Variants in ADGRA1 observed in about 807,000 individuals in gnomAD.
ADGRA1 encodes the protein adhesion G protein-coupled receptor A1.
In ADGRA1, 12 loss-of-function variants were observed where a neutral mutation model predicts 21.3. That is an observed-to-expected ratio of 0.56 (90% CI 0.36 to 0.91). The LOEUF (loss-of-function observed/expected upper bound fraction) is 0.91, where lower values mean the gene tolerates loss of function less well. Among genes scored for constraint, ADGRA1 ranks in the 40% least tolerant of loss-of-function variants. The probability of loss-of-function intolerance (pLI) is 0.01; values close to 1 mark genes in which losing one functional copy is unlikely to be tolerated. For missense variants in ADGRA1, 790 were observed against 805.6 expected (o/e 0.98, Z 0.23); for synonymous variants, 385 against 368.8 (o/e 1.04, Z -0.50).
intron 5 of ADGRA1, 95 bp downstream of exon 5, chr10:133,102,937 A>G (rs1312048696): frequency 7.6e-7 from 1 of 1,316,018 alleles, no homozygotes; most frequent in African/African-American, 1.5e-5. Context: ...CCAGGCCACC[A>G]GGGGCCTGAG....
chr10:133,103,653 T>A (rs1403467975), intron 5 of ADGRA1, among the ~76,000 whole-genome samples: 2 of 152,134 alleles, frequency 1.3e-5, no homozygotes, highest in Non-Finnish European at 2.9e-5. Flanking sequence ...AACCCAGACG[T>A]CCACGTCTGG....
chr10:133,127,885 C>A (rs1242040866), intron 6 of ADGRA1, among the ~76,000 whole-genome samples: 4 of 127,352 alleles, frequency 3.1e-5, no homozygotes, highest in African/African-American at 6.1e-5. Context: ...CCGCCTGGCC[C>A]CGCCCACCCC....
rs1852420443 is a variant in ADGRA1, at chr10:133,128,246, G to A, written c.501-83G>A. ...CAAAGCCACTCGCTAGGCCGGGTGG[G>A]TGCAGGGCCCTTTGCTCTGCAGGGG... On this transcript the variant is annotated intron_variant, in intron 6 of 6. Coordinates refer to ENST00000392607, the MANE Select transcript of ADGRA1 (RefSeq NM_001083909.3). 9 of 1,074,406 alleles carry A rather than the reference G, an allele frequency of 8.4e-6. No individual in the cohort carries two copies. The South Asian group carries it at 1.2e-4, about 14-fold the overall frequency. The allele number at this position is 1,074,406 out of a possible 1,614,324, so 66.6% of individuals were successfully genotyped here.
intron 5 of ADGRA1, among the ~76,000 whole-genome samples, chr10:133,124,873 C>T (rs1309816476): frequency 6.6e-6 from 1 of 152,228 alleles, no homozygotes; most frequent in Non-Finnish European, 1.5e-5. Context: ...TGCACGTCCA[C>T]GGCGGTGACT....
intron 5 of ADGRA1, among the ~76,000 whole-genome samples, chr10:133,120,099 C>T (rs1852227851): frequency 6.6e-6 from 1 of 152,236 alleles, no homozygotes; most frequent in Admixed American, 6.5e-5. Flanking sequence ...AGGCTTTCAT[C>T]TGCATTGCAA....
chr10:133,111,847 ACGGGCACCTCCCTCCTAATCCCTC>A (rs1852021093), intron 5 of ADGRA1, among the ~76,000 whole-genome samples: 23 of 149,656 alleles, frequency 1.5e-4, no homozygotes, highest in African/African-American at 2.7e-4. Flanking sequence ...CCTGCCCACC[ACGGGCACCTCCCTCCTAATCCCTC>A]CAGACCACCT....
At chr10:133,095,907 C>T in intron 2 of ADGRA1, 1 of 1,229,116 alleles carries the variant, frequency 8.1e-7, no homozygotes, top group Non-Finnish European at 1.1e-6. Context: ...CCCAGGGCAG[C>T]ATCCATGGCG....
intron 5 of ADGRA1, among the ~76,000 whole-genome samples, chr10:133,113,036 G>A (rs1375439891): frequency 2.8e-5 from 4 of 142,602 alleles, no homozygotes; most frequent in African/African-American, 1.0e-4. Flanking sequence ...GGCCGCGTCA[G>A]TTATTTGGGG....
At chr10:133,121,059 G>A (rs75636281) in intron 5 of ADGRA1, among the ~76,000 whole-genome samples, 2,939 of 152,278 alleles carry the variant, frequency 0.019, 40 homozygotes, top group Non-Finnish European at 0.027. Flanking sequence ...CAGATCACAC[G>A]GGACATTTAC....
intron 4 of ADGRA1, among the ~76,000 whole-genome samples, chr10:133,101,994 T>A (rs913985552): frequency 2.0e-5 from 3 of 152,272 alleles, no homozygotes; most frequent in Non-Finnish European, 4.4e-5. Context: ...CGAATCTCTG[T>A]ATTCCTTAAA....
rs554144812 is a variant in ADGRA1, at chr10:133,124,518, G to A, written c.402-2715G>A. ...AGCGAGTGGCCCTGGCGTGCGAGCC[G>A]CTGCCCCAACGCTGGGCACCTGGGC... On this transcript the variant is annotated intron_variant, in intron 5 of 6. Transcript: ENST00000392607. Among the ~76,000 whole-genome samples, 24 of 152,370 alleles carry A rather than the reference G, an allele frequency of 1.6e-4. No individual in the cohort carries two copies. In the South Asian group the frequency reaches 1.9e-3, roughly 12 times the overall value.
chr10:133,124,814 G>A (rs1369016104), intron 5 of ADGRA1, among the ~76,000 whole-genome samples: 10 of 152,210 alleles, frequency 6.6e-5, no homozygotes, highest in Non-Finnish European at 1.5e-4. Flanking sequence ...GCTGGACCCA[G>A]CGGAGCACCC....
At chr10:133,100,207 G>T (rs1183787893) in intron 4 of ADGRA1, among the ~76,000 whole-genome samples, 1 of 152,242 alleles carries the variant, frequency 6.6e-6, no homozygotes. Context: ...GGCCCCGGCG[G>T]AGGAGTCGCT....
chr10:133,111,808 G>GTGA (rs1564849409), intron 5 of ADGRA1, among the ~76,000 whole-genome samples: 3 of 149,442 alleles, frequency 2.0e-5, no homozygotes, highest in Non-Finnish European at 4.5e-5. Flanking sequence ...GCCCACCACA[G>GTGA]GCACCTCCCT....
chr10:133,089,043 G>C, intron 2 of ADGRA1, 131 bp downstream of exon 2: 13 of 1,234,032 alleles, frequency 1.1e-5, no homozygotes, highest in Non-Finnish European at 1.3e-5. Context: ...TCCGGGCTCA[G>C]TGCCGGGGTG....
At chr10:133,124,137 C>T (rs1285405423) in intron 5 of ADGRA1, among the ~76,000 whole-genome samples, 6 of 151,600 alleles carry the variant, frequency 4.0e-5, no homozygotes, top group Non-Finnish European at 5.9e-5. Context: ...GCACCCTCCC[C>T]GGCCAGCCCA....
At chr10:133,116,933 C>T (rs760036173) in intron 5 of ADGRA1, among the ~76,000 whole-genome samples, 23 of 152,066 alleles carry the variant, frequency 1.5e-4, no homozygotes, top group Non-Finnish European at 2.8e-4. Flanking sequence ...GGACAGAGGG[C>T]GGGGAGGGTA....
In ADGRA1 at chr10:133,129,527, A is replaced by T; in HGVS notation, c.*16A>T. On this transcript the variant is annotated 3_prime_UTR_variant, in exon 7 of 7. Transcript: ENST00000392607. ...TACTGTGTAGATGGGGGCAGAGGACACGGTGTTCCTGGAGGAGCTTCAGAG... is the reference window on the plus strand; with the variant it reads ...TACTGTGTAGATGGGGGCAGAGGACTCGGTGTTCCTGGAGGAGCTTCAGAG... 1 of 1,566,096 alleles carries T rather than the reference A, an allele frequency of 6.4e-7. No homozygotes were observed. Among genetic ancestry groups the T allele is most frequent in the Non-Finnish European group, 8.6e-7 (1 of 1,160,862 alleles).
intron 5 of ADGRA1, among the ~76,000 whole-genome samples, chr10:133,103,395 G>A (rs1211930301): frequency 6.6e-6 from 1 of 152,234 alleles, no homozygotes; most frequent in East Asian, 1.9e-4. Flanking sequence ...GCCCTGGCCT[G>A]GGCCCTTCAG....
Sources: allele counts gnomAD v4.1 joint callset (sites outside exome capture counted in the v4.1 genomes callset), GRCh38; gene constraint gnomAD v4.1.1; transcripts MANE v1.5; gene names NCBI Gene and HGNC (gene_info 2026-07-23, HGNC 2026-07-21).